The following KDM5A variants were observed in gnomAD, a reference collection of about 807,000 sequenced individuals.
KDM5A encodes lysine-specific demethylase 5A.
In KDM5A, 42 loss-of-function variants were observed where a neutral mutation model predicts 193.5. The observed-to-expected ratio is 0.22, with a 90% CI of 0.17 to 0.28. The LOEUF is 0.28. Ranked by LOEUF, KDM5A falls within the 10% of genes least tolerant of loss-of-function variation. The probability of loss-of-function intolerance (pLI) is 1.00; values close to 1 mark genes in which losing one functional copy is unlikely to be tolerated. For missense variants in KDM5A, 1,692 were observed against 2,055.1 expected (o/e 0.82, Z 3.42); for synonymous variants, 796 against 718.1 (o/e 1.11, Z -1.73).
At chr12:298,173 C>G (rs1943397811) in intron 24 of KDM5A, among the ~76,000 whole-genome samples, 1 of 152,224 alleles carries the variant, frequency 6.6e-6, no homozygotes, top group Non-Finnish European at 1.5e-5. Flanking sequence ...AGCGGATCTC[C>G]CAGCACAGCA....
intron 19 of KDM5A, among the ~76,000 whole-genome samples, chr12:317,483 A>G (rs1224165026): frequency 1.3e-5 from 2 of 152,200 alleles, no homozygotes; most frequent in Non-Finnish European, 2.9e-5. Context: ...CTTCCTAACT[A>G]TAGTATCACT....
Position 323,628 on chromosome 12 carries a change from G to C in KDM5A, c.2122C>G (p.Pro708Ala), listed in dbSNP as rs750265688. Residue 708 changes from proline to alanine, a missense_variant, in exon 15 of 28, where the codon CCC (proline) becomes GCC (alanine). By Grantham distance (27) the Pro-to-Ala change is conservative (BLOSUM62 -1). Around this residue, in one of 11 missense-constraint regions of KDM5A, gnomAD observed 88 missense variants for 124.6 expected, o/e 0.71. Transcript: ENST00000399788. Reference protein sequence around the residue: ...VCLYHPTDLCPCPMQKKCLRY... With the variant: ...VCLYHPTDLCACPMQKKCLRY... ...AGACATTTCTTCTGCATGGGGCAGG[G>C]GCACAGATCAGTTGGATGGTAGAGA... The C allele has an allele frequency of 6.2e-7, 1 of 1,614,124 alleles. No homozygotes were observed. The highest frequency in any genetic ancestry group is 1.1e-5 in the South Asian group (1 of 91,090).
chr12:356,878 C>A (rs1944234861), intron 5 of KDM5A, among the ~76,000 whole-genome samples: 1 of 152,358 alleles, frequency 6.6e-6, no homozygotes, highest in African/African-American at 2.4e-5. Flanking sequence ...CATCTCAGGA[C>A]ATGAACTGTG....
In KDM5A at chr12:309,854, A is replaced by G. The variant is rs755098671; in HGVS notation, c.3327T>C (p.Pro1109=). The G allele has an allele frequency of 6.2e-7, 1 of 1,614,084 alleles. No homozygotes were observed. Among genetic ancestry groups the G allele is most frequent in the Non-Finnish European group, 8.5e-7 (1 of 1,180,004 alleles). Residue 1109 remains proline (P), a synonymous_variant, in exon 22 of 28, where the codon CCT becomes CCC. Transcript: ENST00000399788. ...KEKEKDLDLE[P]LSDLEEGLEE... ...CCAATCCTTCCTCCAGATCACTCAG[A>G]GGCTCCAGGTCCAGATCCTTTTCTT...
At chr12:289,084 G>T (rs1445295634) in intron 27 of KDM5A, among the ~76,000 whole-genome samples, 1 of 152,150 alleles carries the variant, frequency 6.6e-6, no homozygotes, top group Admixed American at 6.5e-5. Context: ...TAGTAAAAAT[G>T]AGAGTTCATA....
intron 10 of KDM5A, among the ~76,000 whole-genome samples, chr12:344,432 C>T (rs1944044638): frequency 6.6e-6 from 1 of 152,102 alleles, no homozygotes; most frequent in Non-Finnish European, 1.5e-5. Flanking sequence ...AAAAATACTC[C>T]TTGAGAAGAG....
chr12:344,673 A>C (rs868305728), intron 10 of KDM5A, among the ~76,000 whole-genome samples: 53 of 152,354 alleles, frequency 3.5e-4, no homozygotes, highest in African/African-American at 1.1e-3. Flanking sequence ...ACTAAGCCTC[A>C]TAAGTGAAGG....
At chr12:287,391 C>G (rs780000706) in intron 27 of KDM5A, among the ~76,000 whole-genome samples, 1 of 151,968 alleles carries the variant, frequency 6.6e-6, no homozygotes, top group Admixed American at 6.6e-5. Context: ...CTTAACAATA[C>G]CTTCCTAAAC....
intron 3 of KDM5A, among the ~76,000 whole-genome samples, chr12:376,666 G>T (rs974393372): frequency 3.3e-5 from 5 of 152,190 alleles, no homozygotes; most frequent in African/African-American, 1.2e-4. Flanking sequence ...CGTCTTCTGC[G>T]TCGCTCACGC....
At chr12:373,275 T>C (rs1295516194) in intron 3 of KDM5A, among the ~76,000 whole-genome samples, 5 of 152,310 alleles carry the variant, frequency 3.3e-5, no homozygotes, top group Non-Finnish European at 5.9e-5. Context: ...TCAGAGCCTG[T>C]TATTGGTCTA....
chr12:329,961 A>G (rs1418135755), intron 13 of KDM5A, among the ~76,000 whole-genome samples: 1 of 152,130 alleles, frequency 6.6e-6, no homozygotes, highest in East Asian at 1.9e-4. Context: ...AGAAAGGCAG[A>G]AAGGAATCAG....
At chr12:370,662 A>G (rs1944416259) in intron 3 of KDM5A, among the ~76,000 whole-genome samples, 1 of 152,160 alleles carries the variant, frequency 6.6e-6, no homozygotes, top group Admixed American at 6.5e-5. Context: ...CATGTGCACA[A>G]CGTGCAGGTT....
In KDM5A at chr12:356,506, T is replaced by G; in HGVS notation, c.704A>C (p.Glu235Ala). 1 of 1,613,592 alleles carries G rather than the reference T, an allele frequency of 6.2e-7. No homozygotes were observed. Among genetic ancestry groups the G allele is most frequent in the Non-Finnish European group, 8.5e-7 (1 of 1,179,500 alleles). ...SESGDVSRNT[E>A]LKKLQIFGAG... ...CCCAAAAATCTGAAGTTTCTTCAGT[T>G]CCGTGTTTCTACTCACATCTCCAGA... is the stretch of plus-strand genomic sequence containing the variant. The change falls in exon 6 of 28, where the codon GAA becomes GCA. Residue 235 changes from glutamate (E) to alanine (A), a missense_variant. Physicochemically the swap from Glu to Ala is moderately radical, Grantham distance 107. Transcript: ENST00000399788.
At chr12:368,742 A>T (rs6489458) in intron 3 of KDM5A, among the ~76,000 whole-genome samples, 106,948 of 151,958 alleles carry the variant, frequency 0.7, 37,858 homozygotes, top group Middle Eastern at 0.78. Context: ...GAAAAAACAA[A>T]CAGACAAAAC....
intron 9 of KDM5A, 88 bp downstream of exon 9, chr12:352,117 A>G (rs1944168226): frequency 1.1e-6 from 1 of 942,856 alleles, no homozygotes; most frequent in Middle Eastern, 2.3e-4. Flanking sequence ...AAAAAAAAAA[A>G]AAAAAAAAAA....
At chr12:329,921 A>C (rs778616589) in intron 13 of KDM5A, among the ~76,000 whole-genome samples, 1 of 152,066 alleles carries the variant, frequency 6.6e-6, no homozygotes, top group Non-Finnish European at 1.5e-5. Context: ...ATGGACCTTT[A>C]AGAGCCTTTT....
At position 322,535 on chromosome 12, in the gene KDM5A, C is replaced by T; in HGVS notation, c.2308G>A (p.Ala770Thr). The T allele has an allele frequency of 6.2e-7, 1 of 1,612,888 alleles. No homozygotes were observed. The highest frequency in any genetic ancestry group is 8.5e-7 in the Non-Finnish European group (1 of 1,179,294). Residue 770 changes from alanine to threonine, a missense_variant, in exon 17 of 28, where the codon GCT (alanine) becomes ACT (threonine). Transcript: ENST00000399788. The part of the protein sequence containing the change: ...LIELRVMLED[A>T]EDRKYPENDL... Reference sequence around the variant, plus strand: ...TTCTCTGGGTATTTCCTATCCTCAGCATCTTCCAGCATTACTCGCAATTCA... The same window carrying T: ...TTCTCTGGGTATTTCCTATCCTCAGTATCTTCCAGCATTACTCGCAATTCA...
At chr12:340,861 T>C (rs1943995864) in intron 10 of KDM5A, among the ~76,000 whole-genome samples, 1 of 152,130 alleles carries the variant, frequency 6.6e-6, no homozygotes, top group Admixed American at 6.6e-5. Context: ...ACCATCCATC[T>C]AATAATCACT....
intron 3 of KDM5A, among the ~76,000 whole-genome samples, chr12:375,659 A>G (rs1944493825): frequency 6.6e-6 from 1 of 151,680 alleles, no homozygotes; most frequent in African/African-American, 2.4e-5. Context: ...CTCTGCTCTG[A>G]TTTTTCTAAT....
Sources: allele counts gnomAD v4.1 joint callset (sites outside exome capture counted in the v4.1 genomes callset), GRCh38; gene constraint gnomAD v4.1.1; regional missense constraint gnomAD v4.1.1; transcripts MANE v1.5; gene names NCBI Gene and HGNC (gene_info 2026-07-23, HGNC 2026-07-21).